NXN: variants seen among roughly 807,000 people sequenced by gnomAD.
The protein encoded by NXN is nucleoredoxin 1.
NXN carries 16 observed loss-of-function variants against 48.6 expected under a neutral mutation model. The ratio of observed to expected loss-of-function variants is 0.33; its 90% confidence interval spans 0.22 to 0.50. The LOEUF is 0.50. NXN is among the 20% of genes least tolerant of loss of function. The pLI, the probability that NXN is intolerant of heterozygous loss-of-function variation, is 0.98. For synonymous variants in NXN, 281 were observed against 269.6 expected (o/e 1.04, Z -0.41); for missense variants, 492 against 605.5 (o/e 0.81, Z 1.97).
intron 1 of NXN, among the ~76,000 whole-genome samples, chr17:970,470 C>A (rs1348447434): frequency 1.3e-5 from 2 of 152,008 alleles, no homozygotes; most frequent in Non-Finnish European, 2.9e-5. Context: ...AAAAACACCA[C>A]CATGGAAAAA....
intron 1 of NXN, chr17:959,122 G>A: frequency 7.4e-6 from 3 of 407,720 alleles, no homozygotes; most frequent in Non-Finnish European, 1.3e-5. Context: ...GCCAGGAGCT[G>A]CTGGGGCCCA....
At chr17:847,547 A>G (rs762056274) in intron 1 of NXN, among the ~76,000 whole-genome samples, 59 of 152,298 alleles carry the variant, frequency 3.9e-4, no homozygotes, top group Non-Finnish European at 7.4e-4. Flanking sequence ...GCGTGTCCAC[A>G]GCTCTGCAAA....
chr17:854,919 AC>A (rs1247599038), intron 1 of NXN, among the ~76,000 whole-genome samples: 3 of 151,884 alleles, frequency 2.0e-5, no homozygotes, highest in Non-Finnish European at 4.4e-5. Context: ...AGATCACACT[AC>A]TGCACTCCAG....
In NXN at chr17:806,676, G is replaced by A. The variant is rs531534620; in HGVS notation, c.821-1429C>T. ...AATATTTATAGATTCCCAAGGATTC[G>A]GTCAGTAATTTGCTCCGCTGACATT... On this transcript the variant is annotated intron_variant, in intron 5 of 7. Transcript: ENST00000336868. Among the ~76,000 whole-genome samples, 7 of 152,216 alleles carry A rather than the reference G, an allele frequency of 4.6e-5. No homozygotes were observed. In the South Asian group the frequency reaches 1.0e-3, roughly 23 times the overall value.
At chr17:938,220 G>A (rs139443012) in intron 1 of NXN, among the ~76,000 whole-genome samples, 1 of 152,376 alleles carries the variant, frequency 6.6e-6, no homozygotes, top group East Asian at 1.9e-4. Flanking sequence ...TTCCACTTGG[G>A]CGGTTTTACT....
intron 1 of NXN, among the ~76,000 whole-genome samples, chr17:885,927 AT>A (rs1295433699): frequency 6.6e-6 from 1 of 151,228 alleles, no homozygotes; most frequent in Non-Finnish European, 1.5e-5. Flanking sequence ...TGACCTCGTG[AT>A]CCGCCCGCCT....
chr17:955,859 G>A (rs1338306778), intron 1 of NXN, among the ~76,000 whole-genome samples: 2 of 151,064 alleles, frequency 1.3e-5, no homozygotes, highest in East Asian at 2.0e-4. Context: ...CCGAGATTGT[G>A]CCACTGCACT....
At chr17:873,315 G>A (rs549172345) in intron 1 of NXN, among the ~76,000 whole-genome samples, 7 of 151,886 alleles carry the variant, frequency 4.6e-5, no homozygotes, top group Non-Finnish European at 1.0e-4. Flanking sequence ...TGGCCAACAC[G>A]ATGAAACCCC....
intron 1 of NXN, among the ~76,000 whole-genome samples, chr17:926,210 G>A (rs975514563): frequency 1.3e-5 from 2 of 152,010 alleles, no homozygotes; most frequent in African/African-American, 4.8e-5. Context: ...TTCAAGAGAC[G>A]GATCTCACTC....
chr17:855,354 T>C (rs1003466975), intron 1 of NXN, among the ~76,000 whole-genome samples: 3 of 152,162 alleles, frequency 2.0e-5, no homozygotes, highest in African/African-American at 7.2e-5. Flanking sequence ...CCGGGTCTGA[T>C]AGCGCCCAAG....
intron 1 of NXN, among the ~76,000 whole-genome samples, chr17:835,114 C>G (rs910106294): frequency 9.9e-5 from 15 of 151,312 alleles, no homozygotes; most frequent in African/African-American, 1.7e-4. Flanking sequence ...CGAGACCATC[C>G]TGGCTAACAT....
intron 1 of NXN, among the ~76,000 whole-genome samples, chr17:918,352 G>A (rs62070218): frequency 0.18 from 26,158 of 146,496 alleles, 2,309 homozygotes; most frequent in East Asian, 0.22. Flanking sequence ...TGGGAGGAGC[G>A]CACGATCCAT....
intron 1 of NXN, chr17:929,652 A>G (rs1353247373): frequency 2.6e-5 from 4 of 152,092 alleles, no homozygotes; most frequent in Non-Finnish European, 4.4e-5. Context: ...AGCATTTCCC[A>G]CCATACCTAC....
intron 1 of NXN, among the ~76,000 whole-genome samples, chr17:846,929 C>T (rs2067869323): frequency 6.6e-6 from 1 of 152,120 alleles, no homozygotes. Context: ...TGAAGAGAAA[C>T]CTCATCATAT....
chr17:807,605 CAG>C (rs1409279330), intron 5 of NXN, among the ~76,000 whole-genome samples: 1 of 133,806 alleles, frequency 7.5e-6, no homozygotes, highest in Non-Finnish European at 1.6e-5. Flanking sequence ...GAGGAGCACT[CAG>C]GGGCTTCCCC....
Position 836,076 on chromosome 17 carries a change from G to A in NXN, c.361-9998C>T, listed in dbSNP as rs192817636. On this transcript the variant is annotated intron_variant, in intron 1 of 7. Coordinates refer to ENST00000336868, the MANE Select transcript of NXN (RefSeq NM_022463.5). ...GGATTCGTCAGCCCCCACAGAGGCC[G>A]CGGGGAAAAAACACCGGTGGGATTC... Among the ~76,000 whole-genome samples, 13 of 119,872 alleles carry A rather than the reference G, an allele frequency of 1.1e-4. 3 individuals are homozygous for A. In the East Asian group the frequency reaches 2.4e-3, roughly 22 times the overall value. The allele number at this position is 119,872 out of a possible 152,430, so 78.6% of individuals were successfully genotyped here.
chr17:952,069 G>C (rs2069117717), intron 1 of NXN, among the ~76,000 whole-genome samples: 1 of 152,140 alleles, frequency 6.6e-6, no homozygotes, highest in Admixed American at 6.5e-5. Context: ...TTTTTGTGGG[G>C]GGCGGTGGTG....
At chr17:885,434 A>G (rs1015633783) in intron 1 of NXN, among the ~76,000 whole-genome samples, 46 of 151,734 alleles carry the variant, frequency 3.0e-4, no homozygotes, top group African/African-American at 1.0e-3. Context: ...CGGAGATCGC[A>G]CCACTACACT....
At chr17:967,051 T>G (rs1442008063) in intron 1 of NXN, among the ~76,000 whole-genome samples, 1 of 151,972 alleles carries the variant, frequency 6.6e-6, no homozygotes, top group African/African-American at 2.4e-5. Context: ...ACAGAGACGG[T>G]GACCGTAGGG....
Sources: allele counts gnomAD v4.1 joint callset (sites outside exome capture counted in the v4.1 genomes callset), GRCh38; gene constraint gnomAD v4.1.1; transcripts MANE v1.5; gene names NCBI Gene and HGNC (gene_info 2026-07-23, HGNC 2026-07-21).